The following ADAMTS13 variants were observed in gnomAD, a reference collection of about 807,000 sequenced individuals.
ADAMTS13 encodes ADAM metallopeptidase with thrombospondin type 1 motif 13.
ADAMTS13 carries 110 observed loss-of-function variants against 155.1 expected under a neutral mutation model. That is an observed-to-expected ratio of 0.71 (90% CI 0.61 to 0.83). The LOEUF is 0.83. Among genes scored for constraint, ADAMTS13 ranks in the 40% least tolerant of loss-of-function variants. The pLI is 0.00. For missense variants in ADAMTS13, 1,707 were observed against 1,891.7 expected (o/e 0.90, Z 1.81); for synonymous variants, 758 against 756.4 (o/e 1.00, Z -0.03).
chr9:133,432,903 G>C (rs1197327919), intron 9 of ADAMTS13, among the ~76,000 whole-genome samples: 1 of 151,994 alleles, frequency 6.6e-6, no homozygotes, highest in Non-Finnish European at 1.5e-5. Flanking sequence ...GCTGCCTGTT[G>C]TATGGGGGGT....
rs1840218167 is a variant in ADAMTS13, at chr9:133,425,474, C to T, written c.331-55C>T. On this transcript the variant is annotated intron_variant, in intron 3 of 28. Coordinates refer to ENST00000355699, the MANE Select transcript of ADAMTS13 (RefSeq NM_139027.6). The surrounding 1 kb of genome is among the most constrained non-coding windows in gnomAD (Gnocchi z 4.6). ...GGGGCCCCTGGGAGTCAGCAGCTGC[C>T]TGGGGCTGGCAATGCCCACCCGACG... 8.5e-6 allele frequency: 13 copies of T among 1,536,802 alleles called. No homozygotes were observed. The highest frequency in any genetic ancestry group is 9.8e-6 in the Non-Finnish European group (11 of 1,126,748).
At chr9:133,418,042 C>G (rs185304750), upstream of ADAMTS13, 2,076 of 587,760 alleles carry the variant, frequency 3.5e-3, 34 homozygotes, top group African/African-American at 0.035. Flanking sequence ...TCCCCGGAAG[C>G]GCTCGTCTCT....
At chr9:133,431,905 C>T (rs866262232) in intron 8 of ADAMTS13, among the ~76,000 whole-genome samples, 2 of 152,164 alleles carry the variant, frequency 1.3e-5, no homozygotes, top group African/African-American at 4.8e-5. Flanking sequence ...TTGCCCGCCT[C>T]GGCCTTCCAA....
chr9:133,445,277 A>G lies in ADAMTS13; in HGVS notation c.2610+225A>G, dbSNP rs918873728. ...CCTTGCAAGCCGGGCTGAGGGAAGCATCTGAGGAGAGTGTAATGCAGCTGC... is the reference window on the plus strand; with the variant it reads ...CCTTGCAAGCCGGGCTGAGGGAAGCGTCTGAGGAGAGTGTAATGCAGCTGC... On this transcript the variant is annotated intron_variant, in intron 20 of 28. Transcript: ENST00000355699. The surrounding 1 kb of genome is among the most constrained non-coding windows in gnomAD (Gnocchi z 5.0). Among the ~76,000 whole-genome samples the G allele has an allele frequency of 1.3e-5, 2 of 152,204 alleles. No individual in the cohort carries two copies. The highest frequency in any genetic ancestry group is 6.5e-5 in the Admixed American group (1 of 15,288).
chr9:133,456,767 G>T lies in ADAMTS13; in HGVS notation c.3724+48G>T. 6.5e-7 allele frequency: 1 copy of T among 1,548,838 alleles called. No homozygotes were observed. The highest frequency in any genetic ancestry group is 1.2e-5 in the South Asian group (1 of 83,950). On this transcript the variant is annotated intron_variant, in intron 27 of 28. Transcript: ENST00000355699. This position sits in a 1 kb window ranked among gnomAD's most constrained non-coding sequence, Gnocchi z 4.4. ...TCCCTTGGGTGCTCCAGTCCTGGCA[G>T]GGAGGCTGGGTGGGTGCTGCTGGGG...
In ADAMTS13 at chr9:133,424,645, C is replaced by CCCACACCCTCTCTAGGCT. The variant is rs1458528680; in HGVS notation, c.330+171_330+188dup. On this transcript the variant is annotated intron_variant, in intron 3 of 28. Coordinates refer to ENST00000355699, the MANE Select transcript of ADAMTS13 (RefSeq NM_139027.6). The surrounding 1 kb of genome is among the most constrained non-coding windows in gnomAD (Gnocchi z 4.3). ...TCCCCTGGGTGGAGGTGGGTGAGGT[C>CCCACACCCTCTCTAGGCT]CCACACCCTCTCTAGGCTCCATGGC... 3.4e-4 allele frequency among the ~76,000 whole-genome samples: 51 copies of CCCACACCCTCTCTAGGCT among 152,166 alleles called. 1 individual carries two copies. The highest frequency in any genetic ancestry group is 1.2e-3 in the African/African-American group (51 of 41,504).
Position 133,456,503 on chromosome 9 carries a change from C to T in ADAMTS13, c.3548-40C>T, listed in dbSNP as rs781940318. On this transcript the variant is annotated intron_variant, in intron 26 of 28. Coordinates refer to ENST00000355699, the MANE Select transcript of ADAMTS13 (RefSeq NM_139027.6). The surrounding 1 kb of genome is among the most constrained non-coding windows in gnomAD (Gnocchi z 4.4). ...TGGAGCCACTCCTCTGCTGACCAGGCGTGGGAGTGCTGGACCCTCACTGCC... is the reference window on the plus strand; with the variant it reads ...TGGAGCCACTCCTCTGCTGACCAGGTGTGGGAGTGCTGGACCCTCACTGCC... 30 of 1,605,820 alleles carry T rather than the reference C, an allele frequency of 1.9e-5. No homozygotes were observed. Among genetic ancestry groups the T allele is most frequent in the Non-Finnish European group, 2.3e-5 (27 of 1,176,904 alleles).
At chr9:133,428,836 CCTCT>C (rs1208721200) in intron 7 of ADAMTS13, 65 bp downstream of exon 7, 13 of 1,220,340 alleles carry the variant, frequency 1.1e-5, no homozygotes, top group Non-Finnish European at 1.3e-5. Flanking sequence ...GCCAGCGCCA[CCTCT>C]CTCTACGTCC....
chr9:133,414,841 A>T, intron 1 of ADAMTS13: 2 of 1,614,164 alleles, frequency 1.2e-6, no homozygotes, highest in Non-Finnish European at 1.7e-6. Context: ...AACCTGAAGG[A>T]ACAGAGCCCC....
Position 133,458,961 on chromosome 9 carries a change from C to CAT in ADAMTS13, c.3910-13_3910-12insAT, listed in dbSNP as rs1842927399. 1 of 1,611,910 alleles carries CAT rather than the reference C, an allele frequency of 6.2e-7. No homozygotes were observed. The highest frequency in any genetic ancestry group is 8.5e-7 in the Non-Finnish European group (1 of 1,179,358). On this transcript the variant is annotated splice_polypyrimidine_tract_variant and intron_variant, in intron 28 of 28. Coordinates refer to ENST00000355699, the MANE Select transcript of ADAMTS13 (RefSeq NM_139027.6). ...TTGTGGCCGGTCCTTCTGGGCTGCCCCTTTTCTCTCAGATCCGGGACACCC... is the reference window on the plus strand; with the variant it reads ...TTGTGGCCGGTCCTTCTGGGCTGCCCATCTTTTCTCTCAGATCCGGGACACCC...
Position 133,425,508 on chromosome 9 carries a change from C to T in ADAMTS13, c.331-21C>T. 1 of 1,608,960 alleles carries T rather than the reference C, an allele frequency of 6.2e-7. No homozygotes were observed. Among genetic ancestry groups the T allele is most frequent in the Non-Finnish European group, 8.5e-7 (1 of 1,178,096 alleles). On this transcript the variant is annotated intron_variant, in intron 3 of 28. Coordinates refer to ENST00000355699, the MANE Select transcript of ADAMTS13 (RefSeq NM_139027.6). The surrounding 1 kb of genome is among the most constrained non-coding windows in gnomAD (Gnocchi z 4.6). The stretch of plus-strand genomic sequence containing the variant: ...GCAATGCCCACCCGACGGGTTACCT[C>T]TCTCATCTGCCCTTGCACAGGGGGC...
upstream of ADAMTS13, among the ~76,000 whole-genome samples, chr9:133,418,335 C>T (rs1398556365): frequency 6.6e-6 from 1 of 152,248 alleles, no homozygotes; most frequent in Non-Finnish European, 1.5e-5. Flanking sequence ...GGTCGCTCGC[C>T]TGCGTCCTGG....
intron 8 of ADAMTS13, among the ~76,000 whole-genome samples, chr9:133,431,677 C>T (rs1046130534): frequency 3.3e-5 from 5 of 151,768 alleles, no homozygotes; most frequent in Admixed American, 2.0e-4. Flanking sequence ...TATTTTGAGA[C>T]GGAGTCTCGC....
intron 11 of ADAMTS13, among the ~76,000 whole-genome samples, chr9:133,434,515 C>G (rs1254196252): frequency 6.6e-6 from 1 of 152,112 alleles, no homozygotes; most frequent in Non-Finnish European, 1.5e-5. Flanking sequence ...CCGTGTTAGC[C>G]AGGATGGCCT....
chr9:133,459,059 T>TG lies in ADAMTS13; in HGVS notation c.3997dup (p.Glu1333GlyfsTer56). On this transcript the variant is annotated frameshift_variant, in exon 29 of 29. Transcript: ENST00000355699. LOFTEE classifies it low-confidence loss of function (END_TRUNC). Reference sequence around the variant, plus strand: ...GAGTCAGAGAGCAGCCAGGCTGAGATGGAGTTCAGCGAGGGCTTCCTGAAG... The same window carrying TG: ...GAGTCAGAGAGCAGCCAGGCTGAGATGGGAGTTCAGCGAGGGCTTCCTGAAG... 1.2e-6 allele frequency: 2 copies of TG among 1,613,014 alleles called. No individual in the cohort carries two copies. Among genetic ancestry groups the TG allele is most frequent in the Non-Finnish European group, 1.7e-6 (2 of 1,179,948 alleles).
chr9:133,458,851 C>A, intron 28 of ADAMTS13, 123 bp from the exon 29 acceptor site: 1 of 907,854 alleles, frequency 1.1e-6, no homozygotes, highest in Non-Finnish European at 1.7e-6. Flanking sequence ...ATGGCGTATT[C>A]CTAGTAGGGC....
rs1840214128 is a variant in ADAMTS13, at chr9:133,425,412, T to C, written c.331-117T>C. On this transcript the variant is annotated intron_variant, in intron 3 of 28. Transcript: ENST00000355699. The surrounding 1 kb of genome is among the most constrained non-coding windows in gnomAD (Gnocchi z 4.6). ...CCCCGCCCCGCCCGGTTCCCACACA[T>C]GCTGGTGGAGTAGCCTCTCCAGCTC... 1.6e-5 allele frequency: 13 copies of C among 822,532 alleles called. No homozygotes were observed. Among genetic ancestry groups the C allele is most frequent in the South Asian group, 1.3e-4 (8 of 61,564 alleles). 51.0% of individuals were successfully genotyped at this position (822,532 alleles called of 1,614,324 possible).
In ADAMTS13 at chr9:133,433,910, A is replaced by G. The variant is rs587672378; in HGVS notation, c.1308+206A>G. On this transcript the variant is annotated intron_variant, in intron 11 of 28. Coordinates refer to ENST00000355699, the MANE Select transcript of ADAMTS13 (RefSeq NM_139027.6). The stretch of plus-strand genomic sequence containing the variant: ...CAGGGGTTCAAGACCAGCCTGGCCA[A>G]CATGGTGAAATCTCGTCTCTACAGA... Among the ~76,000 whole-genome samples the G allele has an allele frequency of 3.9e-5, 6 of 152,246 alleles. No individual in the cohort carries two copies. The East Asian group carries it at 1.2e-3, about 30-fold the overall frequency.
rs1226328851 is a variant in ADAMTS13, at chr9:133,450,340, G to A, written c.3044+375G>A. Among the ~76,000 whole-genome samples the A allele has an allele frequency of 2.6e-5, 4 of 151,848 alleles. No individual in the cohort carries two copies. The South Asian group carries it at 6.3e-4, about 24-fold the overall frequency. ...TCCCAGCACTTTGGGAGGCTGAGGC[G>A]GGCAGATCACCTGAGGTTGGGAGTT... On this transcript the variant is annotated intron_variant, in intron 23 of 28. Coordinates refer to ENST00000355699, the MANE Select transcript of ADAMTS13 (RefSeq NM_139027.6).
Sources: gnomAD v4.1 joint callset for allele counts (sites outside exome capture counted in the v4.1 genomes callset) on GRCh38, gnomAD v4.1.1 for gene constraint, Gnocchi (gnomAD v3.1) non-coding constraint, MANE v1.5 for transcripts, NCBI Gene and HGNC (gene_info 2026-07-23, HGNC 2026-07-21) for gene names.